TCF4: variants seen among roughly 807,000 people sequenced by gnomAD.
TCF4 encodes the protein SL3-3 enhancer factor 2.
In TCF4, 3 loss-of-function variants were observed where a neutral mutation model predicts 82.1. That is an observed-to-expected ratio of 0.04 (90% CI 0.02 to 0.09). The LOEUF (loss-of-function observed/expected upper bound fraction) is 0.09. Ranked by LOEUF, TCF4 falls within the 10% of genes least tolerant of loss-of-function variation. TCF4 has a pLI of 1.00. For synonymous variants in TCF4, 276 were observed against 309.6 expected, an observed-to-expected ratio of 0.89 and a Z score of 1.14; for missense variants, 518 against 852.7, an observed-to-expected ratio of 0.61 and a Z score of 4.89.
At chr18:55,237,197 T>TC (rs1390528106) in intron 15 of TCF4, among the ~76,000 whole-genome samples, 1 of 152,182 alleles carries the variant, frequency 6.6e-6, no homozygotes. Context: ...CCTGTGTAGT[T>TC]CAAGAACCCC....
At chr18:55,340,178 T>C (rs2079552733) in intron 8 of TCF4, among the ~76,000 whole-genome samples, 1 of 152,184 alleles carries the variant, frequency 6.6e-6, no homozygotes, top group Non-Finnish European at 1.5e-5. Context: ...CGTATCTCCT[T>C]ATCACTTAGA....
At chr18:55,390,072 C>T (rs1327325705) in intron 6 of TCF4, among the ~76,000 whole-genome samples, 2 of 151,984 alleles carry the variant, frequency 1.3e-5, no homozygotes, top group African/African-American at 2.4e-5. Flanking sequence ...ATCTATTTTT[C>T]TCAACTCACA....
chr18:55,317,199 A>T (rs1156789315), intron 8 of TCF4, among the ~76,000 whole-genome samples: 4 of 152,066 alleles, frequency 2.6e-5, no homozygotes, highest in East Asian at 3.8e-4. Context: ...AACTATATTT[A>T]AAAAATAAGC....
chr18:55,260,126 A>G, intron 12 of TCF4, 99 bp from the exon 13 acceptor site: 1 of 878,852 alleles, frequency 1.1e-6, no homozygotes. Context: ...TTTAGAACTT[A>G]CAAGTTACAG....
intron 3 of TCF4, among the ~76,000 whole-genome samples, chr18:55,491,316 T>C (rs1425330840): frequency 6.6e-6 from 1 of 152,046 alleles, no homozygotes; most frequent in Non-Finnish European, 1.5e-5. Flanking sequence ...GAAGACATAC[T>C]CCAGGCCAAA....
At chr18:55,315,801 C>A (rs1041954838) in intron 8 of TCF4, among the ~76,000 whole-genome samples, 2 of 152,064 alleles carry the variant, frequency 1.3e-5, no homozygotes, top group East Asian at 3.8e-4. Flanking sequence ...CTAAAGGAGA[C>A]AATTTTATAC....
chr18:55,331,205 G>A (rs2077514516), intron 8 of TCF4, among the ~76,000 whole-genome samples: 2 of 152,102 alleles, frequency 1.3e-5, no homozygotes, highest in Non-Finnish European at 2.9e-5. Context: ...ACAGACAGAA[G>A]CTGCAAGACA....
At chr18:55,466,800 A>G (rs1426156298) in intron 3 of TCF4, among the ~76,000 whole-genome samples, 2 of 152,196 alleles carry the variant, frequency 1.3e-5, no homozygotes, top group Admixed American at 1.3e-4. Flanking sequence ...ACACTTGAGT[A>G]TTCCCAACTG....
chr18:55,309,161 G>A (rs1458684705), intron 8 of TCF4, among the ~76,000 whole-genome samples: 3 of 152,082 alleles, frequency 2.0e-5, no homozygotes, highest in African/African-American at 4.8e-5. Context: ...TGCCCAGGCT[G>A]GAGCACAGTG....
chr18:55,299,086 C>A lies in TCF4; in HGVS notation c.550-19430G>T, dbSNP rs185397902. Among the ~76,000 whole-genome samples, 10 of 152,220 alleles carry A rather than the reference C, an allele frequency of 6.6e-5. No homozygotes were observed. The East Asian group carries it at 1.9e-3, about 29-fold the overall frequency. On this transcript the variant is annotated intron_variant, in intron 8 of 19. Transcript: ENST00000354452. The stretch of plus-strand genomic sequence containing the variant: ...AGTGTGATTAGGTTTCAATAGCTGG[C>A]CTTCAAAACTAAAAATTCATCTCAC...
At chr18:55,369,142 C>CT (rs1212026463) in intron 6 of TCF4, among the ~76,000 whole-genome samples, 1 of 152,138 alleles carries the variant, frequency 6.6e-6, no homozygotes, top group Non-Finnish European at 1.5e-5. Context: ...TTATAATACT[C>CT]TATTTTTGTG....
In TCF4 at chr18:55,223,950, GAAGA is replaced by G. The variant is rs886053946; in HGVS notation, c.*4081_*4084del. The G allele has an allele frequency of 6.6e-6, 1 of 151,660 alleles. No individual in the cohort carries two copies. The highest frequency in any genetic ancestry group is 1.5e-5 in the Non-Finnish European group (1 of 67,876). 9.4% of individuals were successfully genotyped at this position (151,660 alleles called of 1,614,324 possible). ...CATAATGATTCCAAAAATCTACAAA[GAAGA>G]AATATTCAGAATCTGACAATTTTTT... On this transcript the variant is annotated 3_prime_UTR_variant, in exon 20 of 20. Transcript: ENST00000354452.
At chr18:55,370,071 C>T (rs1407975023) in intron 6 of TCF4, among the ~76,000 whole-genome samples, 1 of 152,208 alleles carries the variant, frequency 6.6e-6, no homozygotes, top group Non-Finnish European at 1.5e-5. Flanking sequence ...TTACCCACAA[C>T]CAGCACAGTC....
At chr18:55,417,833 A>C (rs2094574791) in intron 5 of TCF4, among the ~76,000 whole-genome samples, 1 of 152,104 alleles carries the variant, frequency 6.6e-6, no homozygotes. Context: ...GCATGTTACC[A>C]CTCATTTAAA....
rs143324183 is a variant in TCF4 at position 55,540,486 on chromosome 18, A to G, written c.145+44794T>C. On this transcript the variant is annotated intron_variant, in intron 3 of 19. Transcript: ENST00000354452. ...TCTTCATTACAGAGAAATATAATTAATGTTTTTTGGCATGTTGTATAATCT... is the reference window on the plus strand; with the variant it reads ...TCTTCATTACAGAGAAATATAATTAGTGTTTTTTGGCATGTTGTATAATCT... Among the ~76,000 whole-genome samples the G allele has an allele frequency of 1.8e-4, 28 of 152,178 alleles. No homozygotes were observed. In the East Asian group the frequency reaches 5.0e-3, roughly 27 times the overall value.
chr18:55,423,773 C>G (rs940903059), intron 5 of TCF4, among the ~76,000 whole-genome samples: 2 of 152,100 alleles, frequency 1.3e-5, no homozygotes, highest in Non-Finnish European at 2.9e-5. Flanking sequence ...TCCTCAGCTC[C>G]CCCCGGACCT....
At chr18:55,232,822 A>C in intron 16 of TCF4, 151 bp from the exon 17 acceptor site, 1 of 996,708 alleles carries the variant, frequency 1.0e-6, no homozygotes, top group Non-Finnish European at 1.5e-6. Flanking sequence ...AGTTTCAAAA[A>C]ATGCACCTGC....
intron 5 of TCF4, among the ~76,000 whole-genome samples, chr18:55,441,129 C>A (rs760476412): frequency 6.6e-5 from 10 of 152,220 alleles, no homozygotes; most frequent in Non-Finnish European, 1.5e-4. Flanking sequence ...TGACCAAATC[C>A]AGTGCAACAA....
At chr18:55,233,774 G>A (rs1303257311) in intron 16 of TCF4, among the ~76,000 whole-genome samples, 6 of 142,258 alleles carry the variant, frequency 4.2e-5, no homozygotes, top group Non-Finnish European at 8.9e-5. Flanking sequence ...AGCTGAGATC[G>A]CACCACTGTA....
Sources: allele counts gnomAD v4.1 joint callset (sites outside exome capture counted in the v4.1 genomes callset), GRCh38; gene constraint gnomAD v4.1.1; transcripts MANE v1.5; gene names NCBI Gene and HGNC (gene_info 2026-07-23, HGNC 2026-07-21).